Variants in CNTNAP2 observed in about 807,000 individuals in gnomAD.
CNTNAP2 encodes the protein contactin-associated protein-like 2.
A neutral mutation model predicts 155.2 loss-of-function variants in CNTNAP2; 98 were observed. The ratio of observed to expected loss-of-function variants is 0.63; its 90% CI spans 0.54 to 0.75. CNTNAP2 has a LOEUF of 0.75. CNTNAP2 is among the 30% of genes least tolerant of loss of function. The pLI is 0.00. For missense variants in CNTNAP2, 1,727 were observed against 1,688.1 expected, an observed-to-expected ratio of 1.02 and a Z score of -0.40; for synonymous variants, 651 against 631.2, an observed-to-expected ratio of 1.03 and a Z score of -0.47.
intron 1 of CNTNAP2, among the ~76,000 whole-genome samples, chr7:146,321,691 T>C (rs1320229230): frequency 6.6e-6 from 1 of 152,120 alleles, no homozygotes; most frequent in Non-Finnish European, 1.5e-5. Context: ...GGACATACCA[T>C]GGGGCAAGGG....
chr7:147,542,912 G>T (rs1340808871), intron 11 of CNTNAP2, among the ~76,000 whole-genome samples: 1 of 152,176 alleles, frequency 6.6e-6, no homozygotes, highest in East Asian at 1.9e-4. Flanking sequence ...ATTCCAAAAT[G>T]ACATTAAATT....
chr7:146,815,797 A>T (rs1485606248), intron 2 of CNTNAP2, among the ~76,000 whole-genome samples: 1 of 152,108 alleles, frequency 6.6e-6, no homozygotes, highest in Non-Finnish European at 1.5e-5. Flanking sequence ...TCTAGGGTAG[A>T]TGTGCACAAC....
intron 14 of CNTNAP2, among the ~76,000 whole-genome samples, chr7:147,972,637 T>C (rs1801353526): frequency 6.6e-6 from 1 of 152,168 alleles, no homozygotes; most frequent in Non-Finnish European, 1.5e-5. Flanking sequence ...CTGATGGAAA[T>C]AGCATGTAAG....
chr7:148,292,779 A>C (rs1023290418), intron 21 of CNTNAP2, among the ~76,000 whole-genome samples: 11 of 152,172 alleles, frequency 7.2e-5, no homozygotes, highest in Admixed American at 2.6e-4. Context: ...TGAGGACCAG[A>C]GAACACAATC....
At position 147,488,554 on chromosome 7, in the gene CNTNAP2, T is replaced by TA. The variant is rs1563224363; in HGVS notation, c.1777+2513_1777+2514insA. Among the ~76,000 whole-genome samples, 572 of 123,580 alleles carry TA rather than the reference T, an allele frequency of 4.6e-3. 2 individuals carry two copies. Among genetic ancestry groups the TA allele is most frequent in the African/African-American group, 0.017 (531 of 30,408 alleles). The allele number at this position is 123,580 out of a possible 152,430, so 81.1% of individuals were successfully genotyped here. A position where few individuals can be genotyped will look rare whatever the true frequency, so the allele number is the denominator to read the frequency against. ...TAATTATTTTAAATAGTATTTTTTT[T>TA]TAAAAAAAGCAGCTAACTAAGAGCT... On this transcript the variant is annotated intron_variant, in intron 11 of 23. Coordinates refer to ENST00000361727, the MANE Select transcript of CNTNAP2 (RefSeq NM_014141.6).
At chr7:147,702,428 C>CA (rs1796249685) in intron 13 of CNTNAP2, among the ~76,000 whole-genome samples, 1 of 151,812 alleles carries the variant, frequency 6.6e-6, no homozygotes, top group Admixed American at 6.6e-5. Context: ...ATTTCTGGAC[C>CA]AAAAATCTTG....
intron 4 of CNTNAP2, among the ~76,000 whole-genome samples, chr7:147,096,106 C>G (rs978779914): frequency 6.6e-6 from 1 of 152,154 alleles, no homozygotes; most frequent in African/African-American, 2.4e-5. Flanking sequence ...CAGATACATA[C>G]TGGTTATTCA....
chr7:148,247,625 C>CTCTCTATT (rs373741779), intron 20 of CNTNAP2, among the ~76,000 whole-genome samples: 271 of 105,300 alleles, frequency 2.6e-3, no homozygotes, highest in South Asian at 0.01. Context: ...CTCTCTCTCT[C>CTCTCTATT]TATTTATTTA....
intron 13 of CNTNAP2, among the ~76,000 whole-genome samples, chr7:147,859,722 G>A (rs900010188): frequency 1.1e-4 from 16 of 152,096 alleles, no homozygotes; most frequent in African/African-American, 3.9e-4. Context: ...GAATGTGTTA[G>A]TACAATGGGG....
chr7:147,560,233 T>C (rs1800036486), intron 11 of CNTNAP2, among the ~76,000 whole-genome samples: 1 of 151,798 alleles, frequency 6.6e-6, no homozygotes, highest in Non-Finnish European at 1.5e-5. Context: ...CATATTGCTT[T>C]AGTTTAAGTA....
At chr7:146,309,802 G>T (rs1267842039) in intron 1 of CNTNAP2, among the ~76,000 whole-genome samples, 1 of 127,702 alleles carries the variant, frequency 7.8e-6, no homozygotes, top group Non-Finnish European at 1.7e-5. Flanking sequence ...CTCTGTCAAA[G>T]AAAACAAAAA....
In CNTNAP2 at chr7:146,464,727, A is replaced by G. The variant is rs139276116; in HGVS notation, c.98-309544A>G. On this transcript the variant is annotated intron_variant, in intron 1 of 23. Coordinates refer to ENST00000361727, the MANE Select transcript of CNTNAP2 (RefSeq NM_014141.6). Reference sequence around the variant, plus strand: ...TCTAATATCGAGTGCTTCATAAATGAGCAGCCTAGCACCACGCTTAGCACA... The same window carrying G: ...TCTAATATCGAGTGCTTCATAAATGGGCAGCCTAGCACCACGCTTAGCACA... 1.8e-3 allele frequency among the ~76,000 whole-genome samples: 278 copies of G among 152,258 alleles called. 1 individual carries two copies. Among genetic ancestry groups the G allele is most frequent in the African/African-American group, 5.9e-3 (244 of 41,552 alleles).
In CNTNAP2 at chr7:147,098,328, G is replaced by A. The variant is rs1030498240; in HGVS notation, c.551-9819G>A. ...GCACATGAATTGTAAGCCTTATGTA[G>A]TAAAGTCACAAACAACTGAGCGTTT... On this transcript the variant is annotated intron_variant, in intron 4 of 23. Transcript: ENST00000361727. Among the ~76,000 whole-genome samples, 8 of 152,178 alleles carry A rather than the reference G, an allele frequency of 5.3e-5. No homozygotes were observed. In the East Asian group the frequency reaches 1.2e-3, roughly 22 times the overall value.
chr7:148,409,475 G>A lies in CNTNAP2; in HGVS notation c.3796+4G>A. 6.2e-7 allele frequency: 1 copy of A among 1,613,264 alleles called. No homozygotes were observed. ...AGAAACTCGGCTATCATTGGAGGTA[G>A]GTGATGTCTAGAGGAGGCTTATATG... On this transcript the variant is annotated splice_donor_region_variant and intron_variant, in intron 23 of 23. Coordinates refer to ENST00000361727, the MANE Select transcript of CNTNAP2 (RefSeq NM_014141.6).
At chr7:147,533,952 G>A (rs1799491090) in intron 11 of CNTNAP2, among the ~76,000 whole-genome samples, 1 of 152,192 alleles carries the variant, frequency 6.6e-6, no homozygotes, top group Non-Finnish European at 1.5e-5. Flanking sequence ...AAGAATCAGA[G>A]ACTGAGAGAG....
At chr7:147,170,841 A>AG (rs1216803442) in intron 8 of CNTNAP2, among the ~76,000 whole-genome samples, 1 of 152,076 alleles carries the variant, frequency 6.6e-6, no homozygotes, top group African/African-American at 2.4e-5. Context: ...GAGCCCTGGG[A>AG]GGGGCTGACA....
chr7:148,126,834 A>G (rs960691699), intron 16 of CNTNAP2, among the ~76,000 whole-genome samples: 1 of 152,216 alleles, frequency 6.6e-6, no homozygotes, highest in African/African-American at 2.4e-5. Flanking sequence ...AGGGAAGAAT[A>G]GGCCAACTGT....
At chr7:146,490,844 A>G (rs1232665620) in intron 1 of CNTNAP2, among the ~76,000 whole-genome samples, 1 of 152,228 alleles carries the variant, frequency 6.6e-6, no homozygotes, top group African/African-American at 2.4e-5. Context: ...ATAAGATTCT[A>G]TATCTATCAT....
chr7:147,992,606 T>C (rs1296367997), intron 15 of CNTNAP2, among the ~76,000 whole-genome samples: 1 of 152,220 alleles, frequency 6.6e-6, no homozygotes, highest in African/African-American at 2.4e-5. Flanking sequence ...CAAGAGCCAA[T>C]TGTGCTAAAG....
Sources: gnomAD v4.1 joint callset for allele counts (sites outside exome capture counted in the v4.1 genomes callset) on GRCh38, gnomAD v4.1.1 for gene constraint, MANE v1.5 for transcripts, NCBI Gene and HGNC (gene_info 2026-07-23, HGNC 2026-07-21) for gene names.